Variants in MEIS2 observed in about 807,000 individuals in gnomAD.
MEIS2 encodes Meis homeobox 2.
Under a neutral mutation model 58.6 loss-of-function variants are expected in MEIS2, and 9 were observed. The observed-to-expected ratio is 0.15, with a 90% CI of 0.09 to 0.27. The LOEUF (loss-of-function observed/expected upper bound fraction) is 0.27. Ranked by LOEUF, MEIS2 falls within the 10% of genes least tolerant of loss-of-function variation. The pLI is 1.00. For synonymous variants in MEIS2, 221 were observed against 228.4 expected (o/e 0.97, Z 0.29); for missense variants, 427 against 635.0 (o/e 0.67, Z 3.52).
chr15:36,974,683 T>A (rs1370188275), intron 8 of MEIS2, among the ~76,000 whole-genome samples: 1 of 152,184 alleles, frequency 6.6e-6, no homozygotes, highest in Non-Finnish European at 1.5e-5. Context: ...CAGTATCAGA[T>A]GGATATGGCA....
chr15:36,972,539 G>A (rs899702631), intron 8 of MEIS2, among the ~76,000 whole-genome samples: 11 of 152,146 alleles, frequency 7.2e-5, no homozygotes, highest in Admixed American at 7.2e-4. Flanking sequence ...TTACAGGTGT[G>A]AGCCACCGCA....
intron 8 of MEIS2, among the ~76,000 whole-genome samples, chr15:36,969,372 A>C (rs1469260952): frequency 6.6e-6 from 1 of 152,220 alleles, no homozygotes; most frequent in East Asian, 1.9e-4. Context: ...ACAAATTTCA[A>C]AACCATCTGG....
Position 36,891,327 on chromosome 15 carries a change from C to T in MEIS2, c.*846G>A, listed in dbSNP as rs945352615. The T allele has an allele frequency of 1.3e-5, 2 of 152,306 alleles. No individual in the cohort carries two copies. Among genetic ancestry groups the T allele is most frequent in the African/African-American group, 4.8e-5 (2 of 41,362 alleles). The allele number at this position is 152,306 out of a possible 1,614,324, so 9.4% of individuals were successfully genotyped here. On this transcript the variant is annotated 3_prime_UTR_variant, in exon 12 of 12. Transcript: ENST00000561208. ...ACCGAACTCTGTACGAAGTTTGTTACAGTATTCTCTTGCTCCTTTTTATCC... is the reference window on the plus strand; with the variant it reads ...ACCGAACTCTGTACGAAGTTTGTTATAGTATTCTCTTGCTCCTTTTTATCC...
intron 8 of MEIS2, among the ~76,000 whole-genome samples, chr15:37,008,788 G>A (rs1423230449): frequency 2.0e-5 from 3 of 152,192 alleles, no homozygotes; most frequent in Non-Finnish European, 2.9e-5. Context: ...CATCACATAA[G>A]TGCCAGAACG....
chr15:36,993,559 G>A (rs2060372544), intron 8 of MEIS2, among the ~76,000 whole-genome samples: 1 of 151,984 alleles, frequency 6.6e-6, no homozygotes, highest in South Asian at 2.1e-4. Flanking sequence ...TTTGAGACTG[G>A]TTACCTCATT....
At chr15:36,928,315 A>G (rs1206741062) in intron 9 of MEIS2, among the ~76,000 whole-genome samples, 1 of 152,196 alleles carries the variant, frequency 6.6e-6, no homozygotes, top group Non-Finnish European at 1.5e-5. Context: ...CATAACAACA[A>G]TTAAAACAAC....
intron 6 of MEIS2, among the ~76,000 whole-genome samples, chr15:37,093,164 A>G (rs1437026093): frequency 6.6e-6 from 1 of 152,224 alleles, no homozygotes; most frequent in Admixed American, 6.5e-5. Flanking sequence ...CACTCACTCA[A>G]TTCTCTTTCA....
rs72710644 is a variant in MEIS2, at chr15:37,045,283, C to T, written c.755-8324G>A. Reference sequence around the variant, plus strand: ...AATGTAGTAATGGAACTGCAACACACGGTATTTTATGGACTAATTTTCCGT... The same window carrying T: ...AATGTAGTAATGGAACTGCAACACATGGTATTTTATGGACTAATTTTCCGT... On this transcript the variant is annotated intron_variant, in intron 7 of 11. Transcript: ENST00000561208. Among the ~76,000 whole-genome samples the T allele has an allele frequency of 5.0e-3, 754 of 152,214 alleles. 8 individuals are homozygous for T. The highest frequency in any genetic ancestry group is 7.4e-3 in the Non-Finnish European group (505 of 68,010).
intron 9 of MEIS2, among the ~76,000 whole-genome samples, chr15:36,915,747 A>T (rs2057248114): frequency 6.6e-6 from 1 of 152,224 alleles, no homozygotes; most frequent in African/African-American, 2.4e-5. Context: ...CATGAATCTG[A>T]CCTGGATTTA....
rs1555438306 is a variant in MEIS2, at chr15:36,971,553, A to AAAAAAAAAAAAAAAAAAAAAAAAAG, written c.901-21154_901-21153insCTTTTTTTTTTTTTTTTTTTTTTTT. Among the ~76,000 whole-genome samples, 35 of 132,050 alleles carry AAAAAAAAAAAAAAAAAAAAAAAAAG rather than the reference A, an allele frequency of 2.7e-4. 2 individuals carry two copies. The highest frequency in any genetic ancestry group is 1.0e-3 in the East Asian group (4 of 3,840). 86.6% of individuals were successfully genotyped at this position (132,050 alleles called of 152,430 possible). A position where few individuals can be genotyped will look rare whatever the true frequency, so the allele number is the denominator to read the frequency against. On this transcript the variant is annotated intron_variant, in intron 8 of 11. Coordinates refer to ENST00000561208, the MANE Select transcript of MEIS2 (RefSeq NM_170675.5). ...TTGTTACATTAAAAAAAAAAAAAAAAAAAAAAAAAAAGGGCTGTTCCAGTG... is the reference window on the plus strand; with the variant it reads ...TTGTTACATTAAAAAAAAAAAAAAAAAAAAAAAAAAAAAAAAAAAAAAAAGAAAAAAAAAAAGGGCTGTTCCAGTG...
intron 9 of MEIS2, among the ~76,000 whole-genome samples, chr15:36,920,393 C>T (rs536977440): frequency 6.6e-6 from 1 of 152,174 alleles, no homozygotes; most frequent in Non-Finnish European, 1.5e-5. Flanking sequence ...GTGATCCACC[C>T]GCCTCGGCCT....
chr15:36,929,993 A>G (rs1229994589), intron 9 of MEIS2, among the ~76,000 whole-genome samples: 1 of 152,098 alleles, frequency 6.6e-6, no homozygotes, highest in Non-Finnish European at 1.5e-5. Flanking sequence ...AGCTGAGGTC[A>G]GGAGTTCGAG....
chr15:37,035,451 G>T (rs1458523792), intron 8 of MEIS2, among the ~76,000 whole-genome samples: 2 of 152,156 alleles, frequency 1.3e-5, no homozygotes, highest in African/African-American at 4.8e-5. Flanking sequence ...TGGATTTACA[G>T]CCCTTTCAAT....
At chr15:36,978,703 CA>C (rs910590561) in intron 8 of MEIS2, among the ~76,000 whole-genome samples, 1 of 152,062 alleles carries the variant, frequency 6.6e-6, no homozygotes, top group Non-Finnish European at 1.5e-5. Context: ...GTATCTTTTA[CA>C]AAAAAATCGG....
intron 7 of MEIS2, among the ~76,000 whole-genome samples, chr15:37,052,157 C>T (rs2062946683): frequency 6.6e-6 from 1 of 152,168 alleles, no homozygotes; most frequent in Non-Finnish European, 1.5e-5. Context: ...AAAGACTGAG[C>T]ACTCTCAAGA....
chr15:37,100,776 GGA>G (rs1895027631), upstream of MEIS2: 1 of 151,724 alleles, frequency 6.6e-6, no homozygotes, highest in Admixed American at 6.6e-5. Flanking sequence ...AGGGAGAGAG[GGA>G]GAGGGGGAGA....
At chr15:36,892,510 A>T in intron 11 of MEIS2, 51 bp from the exon 12 acceptor site, 1 of 1,399,338 alleles carries the variant, frequency 7.1e-7, no homozygotes, top group Non-Finnish European at 9.9e-7. Context: ...AAACATTTTT[A>T]TACTTTACCC....
intron 9 of MEIS2, among the ~76,000 whole-genome samples, chr15:36,926,364 T>A (rs1395455498): frequency 1.3e-5 from 2 of 152,124 alleles, no homozygotes; most frequent in East Asian, 3.9e-4. Flanking sequence ...GTTTGGAGAA[T>A]CCTTACAATT....
intron 8 of MEIS2, among the ~76,000 whole-genome samples, chr15:36,984,312 G>T (rs1718638285): frequency 1.3e-5 from 2 of 151,702 alleles, no homozygotes; most frequent in Admixed American, 6.6e-5. Flanking sequence ...GTCAACATAT[G>T]TTCCTTCAAA....
Sources: allele counts gnomAD v4.1 joint callset (sites outside exome capture counted in the v4.1 genomes callset), GRCh38; gene constraint gnomAD v4.1.1; transcripts MANE v1.5; gene names NCBI Gene and HGNC (gene_info 2026-07-23, HGNC 2026-07-21).